Variants in LRP1B observed in about 807,000 individuals in gnomAD.
LRP1B encodes the protein LDL receptor related protein 1B, also known as low-density lipoprotein receptor-related protein 1B.
In LRP1B, 217 loss-of-function variants were observed where a neutral mutation model predicts 556.6. That is an observed-to-expected ratio of 0.39 (90% CI 0.35 to 0.44). The LOEUF (loss-of-function observed/expected upper bound fraction) is 0.44. Among genes scored for constraint, LRP1B ranks in the 20% least tolerant of loss-of-function variants. The pLI, the probability that LRP1B is intolerant of heterozygous loss-of-function variation, is 1.00. For synonymous variants in LRP1B, 2,047 were observed against 1,865.8 expected (o/e 1.10, Z -2.50); for missense variants, 5,053 against 5,620.8 (o/e 0.90, Z 3.23).
chr2:140,896,445 G>A (rs568000429), intron 23 of LRP1B, among the ~76,000 whole-genome samples: 9 of 152,024 alleles, frequency 5.9e-5, no homozygotes, highest in Middle Eastern at 3.5e-3. Context: ...AGAGAACTAC[G>A]GAGGAAAACT....
chr2:140,382,785 T>C (rs1683577387), intron 67 of LRP1B, among the ~76,000 whole-genome samples: 2 of 152,128 alleles, frequency 1.3e-5, no homozygotes, highest in Non-Finnish European at 2.9e-5. Context: ...AGTCCAAAAG[T>C]GACTTTAAAT....
chr2:141,255,168 C>CA lies in LRP1B; in HGVS notation c.344-528dup, dbSNP rs1684414537. 2.0e-5 allele frequency among the ~76,000 whole-genome samples: 3 copies of CA among 151,948 alleles called. No homozygotes were observed. In the South Asian group the frequency reaches 6.2e-4, roughly 31 times the overall value. On this transcript the variant is annotated intron_variant, in intron 3 of 90. Transcript: ENST00000389484. Reference sequence around the variant, plus strand: ...TATTTGAGAAAAGACATGATTAAAGCAAAAGTTAGCAAACCTTCAGAGCAA... The same window carrying CA: ...TATTTGAGAAAAGACATGATTAAAGCAAAAAGTTAGCAAACCTTCAGAGCAA...
At chr2:141,303,820 T>A (rs535854084) in intron 3 of LRP1B, among the ~76,000 whole-genome samples, 1 of 152,272 alleles carries the variant, frequency 6.6e-6, no homozygotes, top group African/African-American at 2.4e-5. Context: ...CTAGTTTTAG[T>A]TTTTAAGCAA....
chr2:141,936,532 T>G (rs1700640202), intron 1 of LRP1B, among the ~76,000 whole-genome samples: 1 of 152,186 alleles, frequency 6.6e-6, no homozygotes, highest in Non-Finnish European at 1.5e-5. Context: ...AACTCTGCCT[T>G]TAGACTTTCC....
At chr2:141,764,000 A>G (rs1302925287) in intron 2 of LRP1B, among the ~76,000 whole-genome samples, 1 of 152,172 alleles carries the variant, frequency 6.6e-6, no homozygotes, top group East Asian at 1.9e-4. Flanking sequence ...TTCCATGGCT[A>G]GCATGTATTA....
intron 6 of LRP1B, among the ~76,000 whole-genome samples, chr2:141,220,697 C>T (rs1236326341): frequency 4.0e-5 from 6 of 148,582 alleles, no homozygotes; most frequent in Non-Finnish European, 7.4e-5. Flanking sequence ...AGAAGCCCAT[C>T]GGATTAACAG....
intron 2 of LRP1B, among the ~76,000 whole-genome samples, chr2:141,741,322 A>C (rs1558842347): frequency 7.5e-6 from 1 of 133,138 alleles, no homozygotes; most frequent in Admixed American, 8.5e-5. Flanking sequence ...GGATTACTAG[A>C]CATTACTGGA....
rs555933499 is a variant in LRP1B at position 141,460,790 on chromosome 2, T to G, written c.343+19606A>C. ...TAGCTAATAATATATCCTGAAGAAT[T>G]CAATACGGTGAATTTTTTTAAAGTC... On this transcript the variant is annotated intron_variant, in intron 3 of 90. Transcript: ENST00000389484. 3.3e-5 allele frequency among the ~76,000 whole-genome samples: 5 copies of G among 152,226 alleles called. No individual in the cohort carries two copies. In the South Asian group the frequency reaches 1.0e-3, roughly 32 times the overall value.
chr2:141,837,986 A>T (rs765807054), intron 1 of LRP1B, among the ~76,000 whole-genome samples: 1 of 152,174 alleles, frequency 6.6e-6, no homozygotes, highest in Non-Finnish European at 1.5e-5. Context: ...CAGAGAGTAT[A>T]CACTAGGAGA....
chr2:141,066,176 T>A (rs2105474981), intron 7 of LRP1B, among the ~76,000 whole-genome samples: 1 of 152,134 alleles, frequency 6.6e-6, no homozygotes, highest in South Asian at 2.1e-4. Context: ...TTCTTTCAAA[T>A]TTTTAATTAT....
chr2:140,505,808 C>G (rs905295710), intron 53 of LRP1B, among the ~76,000 whole-genome samples: 3 of 152,174 alleles, frequency 2.0e-5, no homozygotes, highest in African/African-American at 7.2e-5. Flanking sequence ...AAATCTGTTG[C>G]CTTCTATGAG....
At chr2:140,240,829 CA>C (rs748959225) in intron 87 of LRP1B, among the ~76,000 whole-genome samples, 4 of 150,728 alleles carry the variant, frequency 2.7e-5, no homozygotes, top group Non-Finnish European at 4.5e-5. Flanking sequence ...GTGAAAGTAT[CA>C]AGGTAGAAAT....
At chr2:140,427,296 C>T (rs1259811275) in intron 66 of LRP1B, among the ~76,000 whole-genome samples, 2 of 152,130 alleles carry the variant, frequency 1.3e-5, no homozygotes, top group Non-Finnish European at 2.9e-5. Context: ...CCTGCTTTGG[C>T]TGCTTGCTCA....
chr2:140,754,046 A>G (rs1688666754), intron 35 of LRP1B, among the ~76,000 whole-genome samples: 1 of 152,190 alleles, frequency 6.6e-6, no homozygotes, highest in African/African-American at 2.4e-5. Context: ...GCCTACTGCC[A>G]GAGTACTGAC....
chr2:141,968,044 T>A (rs1009685964), intron 1 of LRP1B, among the ~76,000 whole-genome samples: 1 of 151,876 alleles, frequency 6.6e-6, no homozygotes, highest in Non-Finnish European at 1.5e-5. Context: ...CAGTGGATTA[T>A]AATGCATCAG....
intron 32 of LRP1B, among the ~76,000 whole-genome samples, chr2:140,803,947 G>A (rs909732022): frequency 1.3e-5 from 2 of 149,016 alleles, no homozygotes; most frequent in Admixed American, 6.8e-5. Context: ...ACAGAGTGGG[G>A]TAAATGAGAG....
intron 10 of LRP1B, among the ~76,000 whole-genome samples, chr2:141,054,898 A>G (rs989617884): frequency 3.3e-5 from 5 of 151,974 alleles, no homozygotes; most frequent in African/African-American, 1.2e-4. Context: ...TTTCCCTAAA[A>G]TCAATAAATT....
At chr2:140,885,940 C>G (rs1693625851) in intron 24 of LRP1B, among the ~76,000 whole-genome samples, 198 bp downstream of exon 24, 1 of 151,174 alleles carries the variant, frequency 6.6e-6, no homozygotes, top group South Asian at 2.1e-4. Context: ...ATGGTGTGAA[C>G]AGCACGAGCG....
chr2:140,847,883 C>A (rs912701538), intron 29 of LRP1B, among the ~76,000 whole-genome samples: 1 of 151,946 alleles, frequency 6.6e-6, no homozygotes, highest in African/African-American at 2.4e-5. Context: ...CATTTTTGCT[C>A]AAATTTTGGT....
Sources: allele counts gnomAD v4.1 joint callset (sites outside exome capture counted in the v4.1 genomes callset), GRCh38; gene constraint gnomAD v4.1.1; transcripts MANE v1.5; gene names NCBI Gene and HGNC (gene_info 2026-07-23, HGNC 2026-07-21).